Variants in COL11A1 observed in about 807,000 individuals in gnomAD.
COL11A1 encodes the protein collagen alpha-1(XI) chain.
COL11A1 carries 74 observed loss-of-function variants against 265.2 expected under a neutral mutation model. The observed-to-expected ratio is 0.28, with a 90% CI of 0.23 to 0.34. COL11A1 has a LOEUF of 0.34. Among genes scored for constraint, COL11A1 ranks in the 10% least tolerant of loss-of-function variants. The pLI is 1.00. For synonymous variants in COL11A1, 816 were observed against 727.6 expected (o/e 1.12, Z -1.96); for missense variants, 2,165 against 2,263.6 (o/e 0.96, Z 0.88).
intron 36 of COL11A1, among the ~76,000 whole-genome samples, chr1:102,973,483 C>T (rs1190055506): frequency 2.0e-5 from 3 of 152,096 alleles, no homozygotes; most frequent in African/African-American, 7.2e-5. Context: ...TGGTACAATA[C>T]TGAGGTTATA....
chr1:102,996,795 G>A (rs1231211373), intron 26 of COL11A1, among the ~76,000 whole-genome samples: 1 of 151,906 alleles, frequency 6.6e-6, no homozygotes, highest in East Asian at 1.9e-4. Flanking sequence ...GTAATATTGA[G>A]TAATTCTTGC....
At chr1:102,998,121 C>T (rs1216878068) in intron 25 of COL11A1, among the ~76,000 whole-genome samples, 189 bp downstream of exon 25, 2 of 151,606 alleles carry the variant, frequency 1.3e-5, no homozygotes, top group Middle Eastern at 3.2e-3. Context: ...CAAAAGCCAC[C>T]GTGAGCTCAT....
At chr1:103,004,989 T>A in intron 18 of COL11A1, among the ~76,000 whole-genome samples, 1 of 151,224 alleles carries the variant, frequency 6.6e-6, no homozygotes, top group East Asian at 1.9e-4. Context: ...TTGCTGATGA[T>A]TGTATTAAAT....
chr1:103,025,731 G>T, intron 6 of COL11A1, 118 bp from the exon 7 acceptor site: 1 of 1,589,858 alleles, frequency 6.3e-7, no homozygotes. Flanking sequence ...GTTGGGTTAA[G>T]ACTATGATTC....
At chr1:102,911,434 C>T (rs1292515453) in intron 54 of COL11A1, among the ~76,000 whole-genome samples, 1 of 152,066 alleles carries the variant, frequency 6.6e-6, no homozygotes, top group Non-Finnish European at 1.5e-5. Flanking sequence ...GGGAATCAGC[C>T]TCATAAATAT....
In COL11A1 at chr1:102,898,118, TACTC is replaced by T; in HGVS notation, c.4302+3_4302+6del. The stretch of plus-strand genomic sequence containing the variant: ...ACTTTTTAAATGACTGAAAAGATCT[TACTC>T]ACCATAGGACCAGGTGGTCCATCTT... On this transcript the variant is annotated splice_donor_5th_base_variant and intron_variant, in intron 57 of 66. Transcript: ENST00000370096. The T allele has an allele frequency of 6.4e-7, 1 of 1,553,562 alleles. No individual in the cohort carries two copies. The highest frequency in any genetic ancestry group is 8.8e-7 in the Non-Finnish European group (1 of 1,140,872).
At chr1:103,025,987 T>C in intron 6 of COL11A1, 2 of 1,592,182 alleles carry the variant, frequency 1.3e-6, no homozygotes, top group Middle Eastern at 3.3e-4. Flanking sequence ...ATGGAAAACA[T>C]AAATAAACGA....
intron 62 of COL11A1, among the ~76,000 whole-genome samples, chr1:102,887,746 G>T (rs1199840004): frequency 2.0e-5 from 3 of 152,074 alleles, no homozygotes; most frequent in Admixed American, 6.6e-5. Flanking sequence ...AATTAGTTAA[G>T]ATAACATCGC....
At position 102,879,815 on chromosome 1, in the gene COL11A1, A is replaced by G; in HGVS notation, c.5142T>C (p.Cys1714=). The part of the protein sequence containing the change: ...ASARQNFTYH[C]HQSAAWYDVS... ...CATCATACCAGGCTGCTGACTGATG[A>G]CAGTGGTAGGTGAAATTTTGCCGAG... The change falls in exon 66 of 67, where the codon TGT becomes TGC. Residue 1714 remains cysteine (C), a synonymous_variant. Transcript: ENST00000370096. 6.2e-7 allele frequency: 1 copy of G among 1,614,016 alleles called. No homozygotes were observed. Among genetic ancestry groups the G allele is most frequent in the Non-Finnish European group, 8.5e-7 (1 of 1,179,916 alleles).
intron 31 of COL11A1, among the ~76,000 whole-genome samples, chr1:102,980,297 C>T (rs1375126659): frequency 6.6e-6 from 1 of 152,060 alleles, no homozygotes; most frequent in Non-Finnish European, 1.5e-5. Flanking sequence ...CAAATGGCCA[C>T]ATTTTACAGA....
chr1:103,076,356 C>T (rs1334551923), intron 3 of COL11A1, among the ~76,000 whole-genome samples: 1 of 152,046 alleles, frequency 6.6e-6, no homozygotes, highest in Non-Finnish European at 1.5e-5. Context: ...TCCAGAGCCA[C>T]CTTTTAAAAA....
At chr1:102,887,367 C>T (rs1651127123) in intron 62 of COL11A1, among the ~76,000 whole-genome samples, 1 of 152,014 alleles carries the variant, frequency 6.6e-6, no homozygotes, top group African/African-American at 2.4e-5. Context: ...AATTAGTCAT[C>T]ATTTATATGC....
At chr1:102,930,187 C>T (rs962427924) in intron 46 of COL11A1, among the ~76,000 whole-genome samples, 14 of 151,928 alleles carry the variant, frequency 9.2e-5, no homozygotes, top group African/African-American at 3.1e-4. Flanking sequence ...AAAGGGAATA[C>T]TTCCAGTTTT....
At chr1:102,995,289 TA>T (rs1664515663) in intron 28 of COL11A1, among the ~76,000 whole-genome samples, 1 of 152,150 alleles carries the variant, frequency 6.6e-6, no homozygotes, top group South Asian at 2.1e-4. Context: ...AAATGCCCTA[TA>T]AAAGATGCCA....
At position 102,979,074 on chromosome 1, in the gene COL11A1, G is replaced by T; in HGVS notation, c.2641C>A (p.Gln881Lys). 6.2e-7 allele frequency: 1 copy of T among 1,614,106 alleles called. No individual in the cohort carries two copies. Among genetic ancestry groups the T allele is most frequent in the Admixed American group, 1.7e-5 (1 of 60,010 alleles). ...AAGGCACCTACCGTTGGACCACGCT[G>T]ACCCCGAGGGCCTGGTTTGCCAGCT... is the stretch of plus-strand genomic sequence containing the variant. ...GVAGKPGPRGQRGPTGPRGSR... is the reference protein window; with the variant it reads ...GVAGKPGPRGKRGPTGPRGSR... The change falls in exon 33 of 67, where the codon CAG becomes AAG. Residue 881 changes from glutamine to lysine, a missense_variant. Coordinates refer to ENST00000370096, the MANE Select transcript of COL11A1 (RefSeq NM_001854.4).
intron 4 of COL11A1, among the ~76,000 whole-genome samples, chr1:103,038,549 A>G (rs1469822539): frequency 6.6e-6 from 1 of 152,176 alleles, no homozygotes; most frequent in African/African-American, 2.4e-5. Flanking sequence ...CATGGTGATG[A>G]TAAAGAGTGA....
At chr1:102,922,953 G>T (rs781708700) in intron 47 of COL11A1, among the ~76,000 whole-genome samples, 59 of 152,036 alleles carry the variant, frequency 3.9e-4, no homozygotes, top group Non-Finnish European at 1.5e-4. Flanking sequence ...TCTTATCTAA[G>T]GTAGTGCTTC....
rs990692101 is a variant in COL11A1, at chr1:102,938,978, A to G, written c.3438+57T>C. 5.4e-6 allele frequency: 8 copies of G among 1,478,054 alleles called. No homozygotes were observed. The African/African-American group carries it at 6.9e-5, about 13-fold the overall frequency. The allele number at this position is 1,478,054 out of a possible 1,614,324, so 91.6% of individuals were successfully genotyped here. On this transcript the variant is annotated intron_variant, in intron 44 of 66. Transcript: ENST00000370096. ...AGCACTATATAAAAATATCAATGGTAAACAGTAAAAGTTGTTAAATAAATA... is the reference window on the plus strand; with the variant it reads ...AGCACTATATAAAAATATCAATGGTGAACAGTAAAAGTTGTTAAATAAATA...
chr1:103,103,495 C>A (rs1674448672), intron 1 of COL11A1, among the ~76,000 whole-genome samples: 1 of 151,818 alleles, frequency 6.6e-6, no homozygotes, highest in African/African-American at 2.4e-5. Flanking sequence ...TACAAATGAT[C>A]AAAAATTACC....
Sources: gnomAD v4.1 joint callset for allele counts (sites outside exome capture counted in the v4.1 genomes callset) on GRCh38, gnomAD v4.1.1 for gene constraint, MANE v1.5 for transcripts, NCBI Gene and HGNC (gene_info 2026-07-23, HGNC 2026-07-21) for gene names.